Variants in PAH observed in about 807,000 individuals in gnomAD.
PAH encodes the protein phenylalanine hydroxylase.
In PAH, 64 loss-of-function variants were observed where a neutral mutation model predicts 62.0. The observed-to-expected ratio is 1.03, with a 90% CI of 0.84 to 1.27. PAH has a LOEUF of 1.27. Ranked by LOEUF, PAH falls within the 50% of genes most tolerant of loss-of-function variation. The pLI is 0.00. For missense variants in PAH, 579 were observed against 542.8 expected (o/e 1.07, Z -0.66); for synonymous variants, 195 against 196.2 (o/e 0.99, Z 0.05).
intron 1 of PAH, chr12:102,916,643 A>G (rs982113993): frequency 1.1e-4 from 23 of 210,524 alleles, no homozygotes; most frequent in African/African-American, 5.1e-4. Context: ...CAATTTTGCC[A>G]TTTTGATACC....
At chr12:102,859,726 A>G (rs144487577) in intron 5 of PAH, among the ~76,000 whole-genome samples, 7,372 of 152,330 alleles carry the variant, frequency 0.048, 204 homozygotes, top group African/African-American at 0.054. Context: ...CAAAAACCAC[A>G]TGATTATCTC....
In PAH at chr12:102,840,504, G is replaced by A; in HGVS notation, c.1211C>T (p.Ala404Val). 1.2e-6 allele frequency: 2 copies of A among 1,613,386 alleles called. No individual in the cohort carries two copies. The highest frequency in any genetic ancestry group is 4.5e-5 in the East Asian group (2 of 44,878). The change falls in exon 12 of 13, where the codon GCC becomes GTC. Residue 404 changes from alanine (A) to valine (V), a missense_variant. Transcript: ENST00000553106. ...AACTGAGAAGGGCCGAGGTATTGTG[G>A]CAGCAAAGTTCCTAAGACCAAAACC... is the stretch of plus-strand genomic sequence containing the variant. Reference protein sequence around the residue: ...DAKEKVRNFAATIPRPFSVRY... With the variant: ...DAKEKVRNFAVTIPRPFSVRY...
Position 102,957,794 on chromosome 12 carries a change from C to T in PAH, c.-96+401G>A, listed in dbSNP as rs1312313546. On this transcript the variant is annotated intron_variant, in intron 1 of 4. Coordinates refer to the PAH transcript ENST00000551337. The surrounding 1 kb of genome is among the most constrained non-coding windows in gnomAD (Gnocchi z 4.1). ...GAGTTAACAAAATAATAAAAACAGC[C>T]TGAGCCACGGCTGGAGAGACCGAGA... 6.3e-6 allele frequency: 1 copy of T among 157,992 alleles called. No individual in the cohort carries two copies. Among genetic ancestry groups the T allele is most frequent in the Non-Finnish European group, 1.4e-5 (1 of 72,224 alleles). The allele number at this position is 157,992 out of a possible 1,614,324, so 9.8% of individuals were successfully genotyped here.
intron 2 of PAH, among the ~76,000 whole-genome samples, chr12:102,906,890 A>G (rs1877999688): frequency 6.6e-6 from 1 of 152,240 alleles, no homozygotes; most frequent in Non-Finnish European, 1.5e-5. Flanking sequence ...TGTGCATAGC[A>G]TGACACTTGT....
At chr12:102,886,286 A>T (rs1877041136) in intron 3 of PAH, 1 of 152,198 alleles carries the variant, frequency 6.6e-6, no homozygotes, top group South Asian at 2.1e-4. Flanking sequence ...AGATGAATAA[A>T]AGGGATCTCA....
At chr12:102,912,987 CTCTT>C in intron 1 of PAH, 89 bp from the exon 2 acceptor site, 2 of 829,640 alleles carry the variant, frequency 2.4e-6, no homozygotes, top group Non-Finnish European at 4.2e-6. Context: ...CAAGCATGAA[CTCTT>C]TCTTCTAGTT....
At position 102,839,455 on chromosome 12, in the gene PAH, C is replaced by G. The variant is rs146007763; in HGVS notation, c.1316-237G>C. Among the ~76,000 whole-genome samples, 804 of 152,332 alleles carry G rather than the reference C, an allele frequency of 5.3e-3. 2 individuals are homozygous for G. The highest frequency in any genetic ancestry group is 8.5e-3 in the Non-Finnish European group (578 of 68,032). ...CCATAGGTCACTTCCCAGGGAAGGA[C>G]TTAACAGGTCTCTCCCCAGGCAAAT... is the stretch of plus-strand genomic sequence containing the variant. On this transcript the variant is annotated intron_variant, in intron 12 of 12. Coordinates refer to ENST00000553106, the MANE Select transcript of PAH (RefSeq NM_000277.3).
intron 8 of PAH, among the ~76,000 whole-genome samples, chr12:102,848,257 G>C (rs71466234): frequency 2.0e-5 from 3 of 151,838 alleles, no homozygotes; most frequent in Non-Finnish European, 4.4e-5. Flanking sequence ...TGAAGGGGTT[G>C]AGGATAGACA....
intron 4 of PAH, among the ~76,000 whole-genome samples, chr12:102,867,863 A>G (rs189841742): frequency 1.5e-5 from 2 of 134,738 alleles, no homozygotes; most frequent in African/African-American, 5.5e-5. Flanking sequence ...GTATATACAT[A>G]TATAGATGTA....
At chr12:102,918,568 TTG>T (rs1491570212), upstream of PAH, among the ~76,000 whole-genome samples, 25 of 121,016 alleles carry the variant, frequency 2.1e-4, no homozygotes, top group African/African-American at 8.1e-4. Context: ...CAGTTTTTTT[TTG>T]TTTTTTTTTT....
intron 2 of PAH, among the ~76,000 whole-genome samples, chr12:102,903,503 A>ATATCTGATGAGGTCATGATCACTGGG (rs1877851137): frequency 2.6e-5 from 4 of 152,162 alleles, no homozygotes; most frequent in Non-Finnish European, 5.9e-5. Flanking sequence ...TGATCTCTGA[A>ATATCTGATGAGGTCATGATCACTGGG]TATCTGATGA....
At chr12:102,846,984 T>A in intron 8 of PAH, 33 bp from the exon 9 acceptor site, 1 of 1,595,176 alleles carries the variant, frequency 6.3e-7, no homozygotes, top group Non-Finnish European at 8.6e-7. Flanking sequence ...CCTGTTCTGT[T>A]CCTGTAATTG....
chr12:102,853,385 C>T (rs2136646940), intron 6 of PAH: 1 of 294,962 alleles, frequency 3.4e-6, no homozygotes. Context: ...GGATAGAGTG[C>T]TTCCAGCTTC....
At chr12:102,956,264 G>A (rs1176384220) in intron 1 of PAH, among the ~76,000 whole-genome samples, 1 of 152,196 alleles carries the variant, frequency 6.6e-6, no homozygotes, top group African/African-American at 2.4e-5. Context: ...GCCTCTCTCC[G>A]GACCAGATCC....
chr12:102,850,709 T>C (rs1196558682), intron 8 of PAH, among the ~76,000 whole-genome samples: 2 of 152,140 alleles, frequency 1.3e-5, no homozygotes, highest in Admixed American at 6.5e-5. Context: ...TTCAACCTTC[T>C]CATGATCCCA....
chr12:102,894,590 T>C, intron 3 of PAH, 145 bp downstream of exon 3: 5 of 662,140 alleles, frequency 7.6e-6, no homozygotes, highest in South Asian at 5.8e-5. Flanking sequence ...TTCCAATACA[T>C]ATATATTAAT....
At chr12:102,931,192 A>G (rs1484546185) in intron 1 of PAH, among the ~76,000 whole-genome samples, 1 of 152,156 alleles carries the variant, frequency 6.6e-6, no homozygotes, top group Non-Finnish European at 1.5e-5. Context: ...TTTCTATCAA[A>G]TTTTATATTT....
chr12:102,899,237 C>A (rs1029666042), intron 2 of PAH, among the ~76,000 whole-genome samples: 1 of 152,096 alleles, frequency 6.6e-6, no homozygotes, highest in Non-Finnish European at 1.5e-5. Flanking sequence ...AATCCAAGAA[C>A]CGAGAATGGA....
intron 1 of PAH, among the ~76,000 whole-genome samples, chr12:102,947,729 G>T (rs934347984): frequency 6.6e-6 from 1 of 152,148 alleles, no homozygotes; most frequent in Admixed American, 6.5e-5. Flanking sequence ...ATAGAGTCGG[G>T]GTGACTGTAT....
Sources: gnomAD v4.1 joint callset for allele counts (sites outside exome capture counted in the v4.1 genomes callset) on GRCh38, gnomAD v4.1.1 for gene constraint, Gnocchi (gnomAD v3.1) non-coding constraint, MANE v1.5 for transcripts, NCBI Gene and HGNC (gene_info 2026-07-23, HGNC 2026-07-21) for gene names.